FLT1: variants seen among roughly 807,000 people sequenced by gnomAD.
FLT1 encodes fms related receptor tyrosine kinase 1, also known as vascular endothelial growth factor receptor 1.
A neutral mutation model predicts 156.3 loss-of-function variants in FLT1; 49 were observed. The ratio of observed to expected loss-of-function variants is 0.31; its 90% CI spans 0.25 to 0.40. The LOEUF (loss-of-function observed/expected upper bound fraction) is 0.40, where lower values mean the gene tolerates loss of function less well. Ranked by LOEUF, FLT1 falls within the 10% of genes least tolerant of loss-of-function variation. FLT1 has a pLI of 1.00. For missense variants in FLT1, 1,322 were observed against 1,637.2 expected, an observed-to-expected ratio of 0.81 and a Z score of 3.32; for synonymous variants, 594 against 583.8, an observed-to-expected ratio of 1.02 and a Z score of -0.25.
At chr13:28,350,974 G>A (rs1309288704) in intron 15 of FLT1, among the ~76,000 whole-genome samples, 3 of 116,398 alleles carry the variant, frequency 2.6e-5, no homozygotes, top group Non-Finnish European at 3.6e-5. Flanking sequence ...CTCTCCCACC[G>A]TCTCTCTGTT....
chr13:28,412,822 T>C (rs1876389788), intron 10 of FLT1, among the ~76,000 whole-genome samples: 1 of 147,856 alleles, frequency 6.8e-6, no homozygotes, highest in Non-Finnish European at 1.5e-5. Context: ...CTGCAACCTC[T>C]GCCTCCCAGG....
intron 6 of FLT1, 103 bp downstream of exon 6, chr13:28,433,716 C>T (rs1877842198): frequency 1.8e-6 from 2 of 1,088,122 alleles, no homozygotes; most frequent in Non-Finnish European, 2.8e-6. Flanking sequence ...AACACTGCCA[C>T]AGGAGTCAGG....
chr13:28,359,820 AC>A (rs1383255715), intron 14 of FLT1, among the ~76,000 whole-genome samples: 8 of 152,124 alleles, frequency 5.3e-5, no homozygotes, highest in African/African-American at 1.9e-4. Flanking sequence ...GTAAATCAAA[AC>A]CAAATGAGGC....
At chr13:28,403,897 C>T (rs1410458817) in intron 11 of FLT1, among the ~76,000 whole-genome samples, 3 of 152,076 alleles carry the variant, frequency 2.0e-5, no homozygotes, top group Non-Finnish European at 4.4e-5. Context: ...CAAAACTTAG[C>T]CAGGAGTGAT....
intron 14 of FLT1, among the ~76,000 whole-genome samples, chr13:28,362,634 C>T (rs528624398): frequency 2.5e-4 from 38 of 152,188 alleles, no homozygotes; most frequent in African/African-American, 8.9e-4. Flanking sequence ...GCCTGGGCAA[C>T]ATAATGAGAC....
chr13:28,385,038 A>T lies in FLT1; in HGVS notation c.1970-7T>A, dbSNP rs1440909498. On this transcript the variant is annotated splice_region_variant and splice_polypyrimidine_tract_variant and intron_variant, in intron 13 of 29. Transcript: ENST00000282397. Reference sequence around the variant, plus strand: ...AGGTATGGTGCTTCCTGATCTAGTGAAGAAAGAAAGGGAGCTGTGATTACT... The same window carrying T: ...AGGTATGGTGCTTCCTGATCTAGTGTAGAAAGAAAGGGAGCTGTGATTACT... 1 of 1,613,954 alleles carries T rather than the reference A, an allele frequency of 6.2e-7. No homozygotes were observed. Among genetic ancestry groups the T allele is most frequent in the Non-Finnish European group, 8.5e-7 (1 of 1,179,892 alleles).
At position 28,319,454 on chromosome 13, in the gene FLT1, G is replaced by A. The variant is rs202073140; in HGVS notation, c.3255C>T (p.Tyr1085=). Residue 1085 remains tyrosine, a synonymous_variant, in exon 24 of 30, where the codon TAC becomes TAT. Transcript: ENST00000282397. ...IYSTKSDVWS[Y]GVLLWEIFSL... ...AGAAGATTTCCCACAGCAATACTCC[G>A]TAAGACCACACGTCGCTCTTGGTGC... 272 of 1,613,216 alleles carry A rather than the reference G, an allele frequency of 1.7e-4. No homozygotes were observed. The highest frequency in any genetic ancestry group is 5.5e-4 in the South Asian group (50 of 91,012).
chr13:28,392,351 G>A (rs1874788038), intron 12 of FLT1, among the ~76,000 whole-genome samples: 1 of 152,200 alleles, frequency 6.6e-6, no homozygotes, highest in Non-Finnish European at 1.5e-5. Context: ...GTCAGAAATA[G>A]TTGCTCTAAT....
chr13:28,405,822 C>T lies in FLT1; in HGVS notation c.1509G>A (p.Glu503=), dbSNP rs780666855. 3.1e-6 allele frequency: 5 copies of T among 1,610,082 alleles called. No individual in the cohort carries two copies. The Admixed American group carries it at 8.3e-5, about 27-fold the overall frequency. The change falls in exon 11 of 30, where the codon GAG becomes GAA. Residue 503 remains glutamate (E), a synonymous_variant. Transcript: ENST00000282397. ...TTATTGCCATGCGCTGAGTGATGCT[C>T]TCAATTCTGTTTCCCATGTTGCTGT... ...DADSNMGNRI[E]SITQRMAIIE...
intron 14 of FLT1, among the ~76,000 whole-genome samples, chr13:28,358,485 G>A (rs1872986950): frequency 6.6e-6 from 1 of 152,172 alleles, no homozygotes; most frequent in Admixed American, 6.5e-5. Context: ...TAAGCTTAAG[G>A]ATTACTACAG....
chr13:28,412,348 TTC>T (rs370309600), intron 10 of FLT1, among the ~76,000 whole-genome samples: 955 of 13,058 alleles, frequency 0.073, 31 homozygotes, highest in East Asian at 0.26. Flanking sequence ...CTTTCTTTCT[TTC>T]TCTTTCTTTC....
At chr13:28,361,218 G>C (rs1440966165) in intron 14 of FLT1, among the ~76,000 whole-genome samples, 7 of 152,086 alleles carry the variant, frequency 4.6e-5, no homozygotes, top group Admixed American at 3.9e-4. Flanking sequence ...GGCAGAGCTT[G>C]GAGTGAGCCA....
chr13:28,426,991 T>C (rs1420499457), intron 10 of FLT1, among the ~76,000 whole-genome samples, 168 bp downstream of exon 10: 1 of 152,168 alleles, frequency 6.6e-6, no homozygotes, highest in African/African-American at 2.4e-5. Flanking sequence ...GTATATTCAG[T>C]AAGAAAGAAG....
chr13:28,330,745 C>G (rs1871898288), intron 18 of FLT1, among the ~76,000 whole-genome samples: 1 of 150,980 alleles, frequency 6.6e-6, no homozygotes, highest in African/African-American at 2.4e-5. Context: ...ACAGAGTCTC[C>G]CTCTGTCGCC....
chr13:28,408,635 G>C lies in FLT1; in HGVS notation c.1437-2741C>G, dbSNP rs142659894. On this transcript the variant is annotated intron_variant, in intron 10 of 29. Transcript: ENST00000282397. ...CACTGTGCTGGGAACTGTCTTGAGG[G>C]GGGAGGAAGCCGAACAACAAGAGGA... 1.4e-4 allele frequency among the ~76,000 whole-genome samples: 22 copies of C among 152,256 alleles called. No individual in the cohort carries two copies. The East Asian group carries it at 2.5e-3, about 17-fold the overall frequency.
intron 14 of FLT1, among the ~76,000 whole-genome samples, chr13:28,375,436 G>A (rs1873799838): frequency 6.6e-6 from 1 of 151,280 alleles, no homozygotes; most frequent in Non-Finnish European, 1.5e-5. Flanking sequence ...GGTTCCCTCT[G>A]TTGGCTGAGA....
At position 28,370,967 on chromosome 13, in the gene FLT1, A is replaced by C. The variant is rs992223806; in HGVS notation, c.2117-13282T>G. Among the ~76,000 whole-genome samples the C allele has an allele frequency of 2.6e-5, 4 of 152,336 alleles. No homozygotes were observed. The East Asian group carries it at 7.7e-4, about 29-fold the overall frequency. ...GCACTCCATAAGAACTTAGTCAAGA[A>C]AGTGTTTTTCTCTCAATAGAGGAGT... is the stretch of plus-strand genomic sequence containing the variant. On this transcript the variant is annotated intron_variant, in intron 14 of 29. Coordinates refer to ENST00000282397, the MANE Select transcript of FLT1 (RefSeq NM_002019.4).
At chr13:28,340,179 C>T (rs1872275579) in intron 16 of FLT1, among the ~76,000 whole-genome samples, 1 of 151,074 alleles carries the variant, frequency 6.6e-6, no homozygotes. Context: ...GGCACCACTG[C>T]ACTCCAGCCT....
chr13:28,394,870 T>A (rs1874947844), intron 12 of FLT1, among the ~76,000 whole-genome samples: 1 of 152,168 alleles, frequency 6.6e-6, no homozygotes, highest in Non-Finnish European at 1.5e-5. Flanking sequence ...CTTCCCTAGG[T>A]CTGGCCTCCT....
Sources: gnomAD v4.1 joint callset for allele counts (sites outside exome capture counted in the v4.1 genomes callset) on GRCh38, gnomAD v4.1.1 for gene constraint, MANE v1.5 for transcripts, NCBI Gene and HGNC (gene_info 2026-07-23, HGNC 2026-07-21) for gene names.